The following SCARF1 variants were observed in gnomAD, a reference collection of about 807,000 sequenced individuals.
SCARF1 encodes the protein scavenger receptor class F member 1.
In SCARF1, 49 loss-of-function variants were observed where a neutral mutation model predicts 76.3. The ratio of observed to expected loss-of-function variants is 0.64; its 90% CI spans 0.51 to 0.81. The LOEUF is 0.81. Among genes scored for constraint, SCARF1 ranks in the 40% least tolerant of loss-of-function variants. The pLI is 0.00. For missense variants in SCARF1, 1,098 were observed against 1,143.9 expected (o/e 0.96, Z 0.58); for synonymous variants, 495 against 474.6 (o/e 1.04, Z -0.56).
chr17:1,635,135 G>A lies in SCARF1; in HGVS notation c.2116C>T (p.Arg706Cys), dbSNP rs374817862. 4.0e-5 allele frequency: 65 copies of A among 1,613,526 alleles called. No homozygotes were observed. The highest frequency in any genetic ancestry group is 1.6e-4 in the Middle Eastern group (1 of 6,084). Reference protein sequence around the residue: ...GKPRGSEGPVRSVFRHFGSFQ... With the variant: ...GKPRGSEGPVCSVFRHFGSFQ... ...CTACCAAAATGGCGGAAGACAGAGC[G>A]GACAGGGCCTTCGGATCCGCGGGGC... Residue 706 changes from arginine to cysteine, a missense_variant, in exon 11 of 11, where the codon CGC (arginine) becomes TGC (cysteine). By Grantham distance (180) the Arg-to-Cys change is radical. Transcript: ENST00000263071.
rs549532760 is a variant in SCARF1 at position 1,639,720 on chromosome 17, C to T, written c.1162G>A (p.Gly388Ser). The T allele has an allele frequency of 8.1e-6, 13 of 1,597,634 alleles. No homozygotes were observed. Among genetic ancestry groups the T allele is most frequent in the East Asian group, 2.3e-5 (1 of 44,340 alleles). ...GPSCNASCPAGFHGNNCSVPC... is the reference protein window; with the variant it reads ...GPSCNASCPASFHGNNCSVPC... Reference sequence around the variant, plus strand: ...ACTGAGCAGTTGTTTCCATGGAAACCGGCTGGGCAGGAGGCGTTGCAGCTA... The same window carrying T: ...ACTGAGCAGTTGTTTCCATGGAAACTGGCTGGGCAGGAGGCGTTGCAGCTA... Residue 388 changes from glycine to serine, a missense_variant, in exon 7 of 11, where the codon GGT becomes AGT. Transcript: ENST00000263071.
At chr17:1,635,784 A>AGT (rs1909508290) in intron 10 of SCARF1, among the ~76,000 whole-genome samples, 167 bp from the exon 11 acceptor site, 5 of 16,344 alleles carry the variant, frequency 3.1e-4, no homozygotes, top group Non-Finnish European at 2.8e-3. Context: ...TTACTTCTAC[A>AGT]CTTTTTTTTT....
In SCARF1 at chr17:1,636,948, C is replaced by T; in HGVS notation, c.1479G>A (p.Trp493Ter). The change falls in exon 9 of 11, where the codon TGG (tryptophan) becomes TGA (stop). Residue 493 changes from tryptophan (W) to a stop codon, truncating the protein, a stop_gained. Coordinates refer to ENST00000263071, the MANE Select transcript of SCARF1 (RefSeq NM_003693.4). LOFTEE classifies it high-confidence loss of function. ...CCCCCAGCGCCCACTGACCTGTCAC[C>T]CAGGGTAGCTTGTGGGAGCTGAGGG... ...CRSLSSHKLP[W>*]VTVSHHDPEV... is the part of the protein sequence containing the mutation. 1.2e-6 allele frequency: 2 copies of T among 1,614,098 alleles called. No homozygotes were observed. The highest frequency in any genetic ancestry group is 1.7e-6 in the Non-Finnish European group (2 of 1,180,020).
chr17:1,645,537 C>T lies in SCARF1; in HGVS notation c.101+60G>A. On this transcript the variant is annotated intron_variant, in intron 1 of 10. Coordinates refer to ENST00000263071, the MANE Select transcript of SCARF1 (RefSeq NM_003693.4). This position sits in a 1 kb window ranked among gnomAD's most constrained non-coding sequence, Gnocchi z 6.3. ...GCCTCAACACCGGTTCAGCCACCCG[C>T]ATCAGACTCCCACGAGACCCACCTG... 1 of 1,564,734 alleles carries T rather than the reference C, an allele frequency of 6.4e-7. No homozygotes were observed. Among genetic ancestry groups the T allele is most frequent in the Non-Finnish European group, 8.6e-7 (1 of 1,161,540 alleles).
At position 1,640,591 on chromosome 17, in the gene SCARF1, G is replaced by A. The variant is rs759179062; in HGVS notation, c.867C>T (p.Asn289=). The A allele has an allele frequency of 1.3e-5, 21 of 1,612,034 alleles. No individual in the cohort carries two copies. The Middle Eastern group carries it at 1.0e-3, about 77-fold the overall frequency. ...GSCESCEPGW[N]GTQCQQPCLP... Reference sequence around the variant, plus strand: ...GGCAGGGCTGCTGGCACTGGGTCCCGTTCCAGCCCGGCTCGCAGGACTCAC... The same window carrying A: ...GGCAGGGCTGCTGGCACTGGGTCCCATTCCAGCCCGGCTCGCAGGACTCAC... Residue 289 remains asparagine, a synonymous_variant, in exon 5 of 11, where the codon AAC becomes AAT. Coordinates refer to ENST00000263071, the MANE Select transcript of SCARF1 (RefSeq NM_003693.4). The surrounding 1 kb of genome is among the most constrained non-coding windows in gnomAD (Gnocchi z 4.7).
rs767379803 is a variant in SCARF1, at chr17:1,645,720, C to A, written c.-23G>T. ...CATGGCAGGCAGCTCGGTGGGAGCG[C>A]TCGGGTTCGTCTGGCCCCCACAGCT... On this transcript the variant is annotated 5_prime_UTR_variant, in exon 1 of 11. Coordinates refer to ENST00000263071, the MANE Select transcript of SCARF1 (RefSeq NM_003693.4). This position sits in a 1 kb window ranked among gnomAD's most constrained non-coding sequence, Gnocchi z 6.3. 2 of 1,574,110 alleles carry A rather than the reference C, an allele frequency of 1.3e-6. No homozygotes were observed. Among genetic ancestry groups the A allele is most frequent in the East Asian group, 4.6e-5 (2 of 43,188 alleles).
chr17:1,645,516 C>T lies in SCARF1; in HGVS notation c.101+81G>A, dbSNP rs1910463023. ...AGTCTCCTCCTTCCCCTAACGGCCTCAACACCGGTTCAGCCACCCGCATCA... is the reference window on the plus strand; with the variant it reads ...AGTCTCCTCCTTCCCCTAACGGCCTTAACACCGGTTCAGCCACCCGCATCA... On this transcript the variant is annotated intron_variant, in intron 1 of 10. Coordinates refer to ENST00000263071, the MANE Select transcript of SCARF1 (RefSeq NM_003693.4). The surrounding 1 kb of genome is among the most constrained non-coding windows in gnomAD (Gnocchi z 6.3). 5 of 1,547,590 alleles carry T rather than the reference C, an allele frequency of 3.2e-6. No homozygotes were observed. In the East Asian group the frequency reaches 1.2e-4, roughly 37 times the overall value.
Position 1,640,638 on chromosome 17 carries a change from ACGGCT to A in SCARF1, c.815_819del (p.Glu272ValfsTer9), listed in dbSNP as rs774664418. The A allele has an allele frequency of 2.5e-6, 4 of 1,612,588 alleles. No homozygotes were observed. In the South Asian group the frequency reaches 4.4e-5, roughly 18 times the overall value. Reference sequence around the variant, plus strand: ...TCACAGCTGCCTGTGTCTGGAGAGCACGGCTCATTGTGTTTGCAGCGGCCACAGCT... The same window carrying A: ...TCACAGCTGCCTGTGTCTGGAGAGCACATTGTGTTTGCAGCGGCCACAGCT... On this transcript the variant is annotated frameshift_variant, in exon 5 of 11. Transcript: ENST00000263071. LOFTEE classifies it high-confidence loss of function. The surrounding 1 kb of genome is among the most constrained non-coding windows in gnomAD (Gnocchi z 4.7).
chr17:1,645,444 C>T lies in SCARF1; in HGVS notation c.101+153G>A. The T allele has an allele frequency of 6.6e-7, 1 of 1,508,540 alleles. No individual in the cohort carries two copies. The allele number at this position is 1,508,540 out of a possible 1,614,324, so 93.4% of individuals were successfully genotyped here. A position where few individuals can be genotyped will look rare whatever the true frequency, so the allele number is the denominator to read the frequency against. On this transcript the variant is annotated intron_variant, in intron 1 of 10. Transcript: ENST00000263071. This position sits in a 1 kb window ranked among gnomAD's most constrained non-coding sequence, Gnocchi z 6.3. ...TCTGCCCTGGCTGGCCACTACCTGC[C>T]AGACCGCCATCAGCAGTCCCTTCCT...
chr17:1,645,302 G>A lies in SCARF1; in HGVS notation c.102-63C>T. On this transcript the variant is annotated intron_variant, in intron 1 of 10. Coordinates refer to ENST00000263071, the MANE Select transcript of SCARF1 (RefSeq NM_003693.4). This position sits in a 1 kb window ranked among gnomAD's most constrained non-coding sequence, Gnocchi z 6.3. ...GGTGCAGCCTGGCCCTGAGGAAGGTGGATCACTGTCTCTGGCTGCAGTGGG... is the reference window on the plus strand; with the variant it reads ...GGTGCAGCCTGGCCCTGAGGAAGGTAGATCACTGTCTCTGGCTGCAGTGGG... 3 of 1,585,142 alleles carry A rather than the reference G, an allele frequency of 1.9e-6. No homozygotes were observed. The highest frequency in any genetic ancestry group is 2.2e-5 in the South Asian group (2 of 89,626).
At chr17:1,637,660 C>T (rs373287655) in intron 8 of SCARF1, among the ~76,000 whole-genome samples, 57 of 152,148 alleles carry the variant, frequency 3.7e-4, no homozygotes, top group African/African-American at 1.1e-3. Flanking sequence ...TTAGTAGAGA[C>T]GGGGTTTCAC....
In SCARF1 at chr17:1,639,723, C is replaced by G. The variant is rs1339050025; in HGVS notation, c.1159G>C (p.Ala387Pro). Residue 387 changes from alanine (A) to proline (P), a missense_variant, in exon 7 of 11, where the codon GCC becomes CCC. Coordinates refer to ENST00000263071, the MANE Select transcript of SCARF1 (RefSeq NM_003693.4). ...GAGCAGTTGTTTCCATGGAAACCGG[C>G]TGGGCAGGAGGCGTTGCAGCTATGG... is the stretch of plus-strand genomic sequence containing the variant. ...WGPSCNASCPAGFHGNNCSVP... is the reference protein window; with the variant it reads ...WGPSCNASCPPGFHGNNCSVP... The G allele has an allele frequency of 1.3e-6, 2 of 1,599,052 alleles. No individual in the cohort carries two copies. The highest frequency in any genetic ancestry group is 1.7e-6 in the Non-Finnish European group (2 of 1,173,300).
Position 1,639,684 on chromosome 17 carries a change from A to T in SCARF1, c.1198T>A (p.Cys400Ser). ...ACAGGGTGGCAGAGTCCCTCTGGGC[A>T]TTCACAAGGAACTGAGCAGTTGTTT... ...HGNNCSVPCE[C>S]PEGLCHPVSG... is the part of the protein sequence containing the mutation. The change falls in exon 7 of 11, where the codon TGC (cysteine) becomes AGC (serine). Residue 400 changes from cysteine to serine, a missense_variant. By Grantham distance (112) the Cys-to-Ser change is moderately radical. Coordinates refer to ENST00000263071, the MANE Select transcript of SCARF1 (RefSeq NM_003693.4). 1 of 1,587,192 alleles carries T rather than the reference A, an allele frequency of 6.3e-7. No homozygotes were observed. Among genetic ancestry groups the T allele is most frequent in the Non-Finnish European group, 8.6e-7 (1 of 1,167,280 alleles).
At chr17:1,639,381 T>A (rs1312084307) in intron 7 of SCARF1, among the ~76,000 whole-genome samples, 1 of 152,094 alleles carries the variant, frequency 6.6e-6, no homozygotes. Context: ...GGCGTGCGCC[T>A]GTAATCCCAG....
In SCARF1 at chr17:1,640,446, A is replaced by C; in HGVS notation, c.1010+2T>G. 1 of 1,551,486 alleles carries C rather than the reference A, an allele frequency of 6.4e-7. No homozygotes were observed. Among genetic ancestry groups the C allele is most frequent in the Non-Finnish European group, 8.7e-7 (1 of 1,147,748 alleles). ...CCACCCTGAACAGAATGGTGCCCTC[A>C]CCTGGGCCCCAGCCAGCCAGGGTCA... On this transcript the variant is annotated splice_donor_variant, in intron 5 of 10. Coordinates refer to ENST00000263071, the MANE Select transcript of SCARF1 (RefSeq NM_003693.4). LOFTEE classifies it high-confidence loss of function. The surrounding 1 kb of genome is among the most constrained non-coding windows in gnomAD (Gnocchi z 4.7).
In SCARF1 at chr17:1,644,109, G is replaced by T; in HGVS notation, c.266-142C>A. On this transcript the variant is annotated intron_variant, in intron 3 of 10. Coordinates refer to ENST00000263071, the MANE Select transcript of SCARF1 (RefSeq NM_003693.4). This position sits in a 1 kb window ranked among gnomAD's most constrained non-coding sequence, Gnocchi z 4.8. ...AGACCCTCAGAACATCCGGCAGCCTGTCCTGGGCAACACTCACTTCCTGCT... is the reference window on the plus strand; with the variant it reads ...AGACCCTCAGAACATCCGGCAGCCTTTCCTGGGCAACACTCACTTCCTGCT... The T allele has an allele frequency of 1.6e-6, 1 of 615,222 alleles. No homozygotes were observed. Among genetic ancestry groups the T allele is most frequent in the Non-Finnish European group, 2.4e-6 (1 of 421,794 alleles). The allele number at this position is 615,222 out of a possible 1,614,324, so 38.1% of individuals were successfully genotyped here. A position where few individuals can be genotyped will look rare whatever the true frequency, so the allele number is the denominator to read the frequency against.
At position 1,634,671 on chromosome 17, in the gene SCARF1, G is replaced by A. The variant is rs1909363945; in HGVS notation, c.*87C>T. 6.8e-7 allele frequency: 1 copy of A among 1,479,322 alleles called. No homozygotes were observed. Among genetic ancestry groups the A allele is most frequent in the Admixed American group, 2.4e-5 (1 of 41,794 alleles). The allele number at this position is 1,479,322 out of a possible 1,614,324, so 91.6% of individuals were successfully genotyped here. On this transcript the variant is annotated 3_prime_UTR_variant, in exon 11 of 11. Coordinates refer to ENST00000263071, the MANE Select transcript of SCARF1 (RefSeq NM_003693.4). ...TCCCTGTGGAGGCGCAGAGGCTCTGGTTTGTCTGTCCTGGCCCCGGGATCA... is the reference window on the plus strand; with the variant it reads ...TCCCTGTGGAGGCGCAGAGGCTCTGATTTGTCTGTCCTGGCCCCGGGATCA...
Position 1,644,018 on chromosome 17 carries a change from C to T in SCARF1, c.266-51G>A, listed in dbSNP as rs749501679. 1.6e-6 allele frequency: 2 copies of T among 1,250,488 alleles called. No individual in the cohort carries two copies. The highest frequency in any genetic ancestry group is 2.0e-6 in the Non-Finnish European group (2 of 988,918). 77.5% of individuals were successfully genotyped at this position (1,250,488 alleles called of 1,614,324 possible). A position where few individuals can be genotyped will look rare whatever the true frequency, so the allele number is the denominator to read the frequency against. The stretch of plus-strand genomic sequence containing the variant: ...CAGCGGGCTCAGGGCCGCGCGCAGA[C>T]CCTTACCCTGCGTCCCCTTCCTCAA... On this transcript the variant is annotated intron_variant, in intron 3 of 10. Coordinates refer to ENST00000263071, the MANE Select transcript of SCARF1 (RefSeq NM_003693.4). The surrounding 1 kb of genome is among the most constrained non-coding windows in gnomAD (Gnocchi z 4.8).
In SCARF1 at chr17:1,644,797, C is replaced by G; in HGVS notation, c.265+37G>C. On this transcript the variant is annotated intron_variant, in intron 3 of 10. Transcript: ENST00000263071. The surrounding 1 kb of genome is among the most constrained non-coding windows in gnomAD (Gnocchi z 4.8). Reference sequence around the variant, plus strand: ...CCCACACCACTGCCCCCGTACCCAGCTCTGCCCAGCAACTTCATCTGGCCC... The same window carrying G: ...CCCACACCACTGCCCCCGTACCCAGGTCTGCCCAGCAACTTCATCTGGCCC... The G allele has an allele frequency of 1.9e-6, 3 of 1,588,366 alleles. No homozygotes were observed. The highest frequency in any genetic ancestry group is 2.6e-6 in the Non-Finnish European group (3 of 1,166,586).
Sources: gnomAD v4.1 joint callset for allele counts (sites outside exome capture counted in the v4.1 genomes callset) on GRCh38, gnomAD v4.1.1 for gene constraint, Gnocchi (gnomAD v3.1) non-coding constraint, MANE v1.5 for transcripts, NCBI Gene and HGNC (gene_info 2026-07-23, HGNC 2026-07-21) for gene names.